CCSER1: variants seen among roughly 807,000 people sequenced by gnomAD.
CCSER1 encodes the protein coiled-coil serine rich protein 1, also known as serine-rich coiled-coil domain-containing protein 1.
CCSER1 carries 41 observed loss-of-function variants against 82.0 expected under a neutral mutation model. The observed-to-expected ratio is 0.50, with a 90% CI of 0.39 to 0.65. CCSER1 has a LOEUF of 0.65. Ranked by LOEUF, CCSER1 falls within the 30% of genes least tolerant of loss-of-function variation. The pLI is 0.00. For synonymous variants in CCSER1, 414 were observed against 383.9 expected (o/e 1.08, Z -0.92); for missense variants, 1,119 against 1,064.2 (o/e 1.05, Z -0.72).
Position 91,039,180 on chromosome 4 carries a change from C to A in CCSER1, c.2173-46770C>A, listed in dbSNP as rs114914716. On this transcript the variant is annotated intron_variant, in intron 9 of 10. Transcript: ENST00000509176. Reference sequence around the variant, plus strand: ...GTATCTGGGACTAAGGCATGTGCCACCATGTCCAACTTTTTCTTTCTTTCT... The same window carrying A: ...GTATCTGGGACTAAGGCATGTGCCAACATGTCCAACTTTTTCTTTCTTTCT... 8.4e-3 allele frequency among the ~76,000 whole-genome samples: 1,279 copies of A among 151,478 alleles called. 19 individuals are homozygous for A. Among genetic ancestry groups the A allele is most frequent in the African/African-American group, 0.03 (1,231 of 41,324 alleles).
At chr4:91,596,705 G>A (rs1373838963) in intron 10 of CCSER1, among the ~76,000 whole-genome samples, 5 of 152,054 alleles carry the variant, frequency 3.3e-5, no homozygotes, top group Non-Finnish European at 5.9e-5. Context: ...TCTCTTGTGA[G>A]TCTTACAATG....
intron 10 of CCSER1, among the ~76,000 whole-genome samples, chr4:91,586,973 T>C (rs1428400068): frequency 1.3e-5 from 2 of 151,740 alleles, no homozygotes; most frequent in African/African-American, 4.8e-5. Context: ...AAATAATAAA[T>C]AGTGAAGAAA....
intron 10 of CCSER1, among the ~76,000 whole-genome samples, chr4:91,347,002 GT>G (rs111943298): frequency 0.066 from 9,953 of 150,992 alleles, 1,063 homozygotes; most frequent in African/African-American, 0.23. Context: ...CAACTTATGA[GT>G]TTTTTTTTGT....
chr4:91,283,842 C>T lies in CCSER1; in HGVS notation c.2217+197848C>T, dbSNP rs79780647. On this transcript the variant is annotated intron_variant, in intron 10 of 10. Transcript: ENST00000509176. ...TTATGGAAGTGCTCCTGTACCTTCT[C>T]GCAGGCAATTATGTGAGTCTCTTAA... is the stretch of plus-strand genomic sequence containing the variant. Among the ~76,000 whole-genome samples, 849 of 152,096 alleles carry T rather than the reference C, an allele frequency of 5.6e-3. 10 individuals carry two copies. The highest frequency in any genetic ancestry group is 0.02 in the African/African-American group (815 of 41,522).
At chr4:91,143,514 T>C (rs1390181817) in intron 10 of CCSER1, among the ~76,000 whole-genome samples, 3 of 152,104 alleles carry the variant, frequency 2.0e-5, no homozygotes, top group African/African-American at 7.2e-5. Context: ...TCCAGTACTA[T>C]GTTGAATAGG....
chr4:90,665,374 T>A (rs951538956), intron 6 of CCSER1, among the ~76,000 whole-genome samples: 3 of 150,854 alleles, frequency 2.0e-5, no homozygotes, highest in Non-Finnish European at 4.4e-5. Flanking sequence ...CAGGCTGGAG[T>A]GCAGTGGCGT....
chr4:90,661,281 C>A (rs1730723420), intron 6 of CCSER1, among the ~76,000 whole-genome samples: 1 of 152,114 alleles, frequency 6.6e-6, no homozygotes, highest in South Asian at 2.1e-4. Flanking sequence ...AGTTGGCAGT[C>A]ATGAAGGTAG....
At chr4:91,165,340 G>T (rs911214199) in intron 10 of CCSER1, among the ~76,000 whole-genome samples, 1 of 152,160 alleles carries the variant, frequency 6.6e-6, no homozygotes, top group African/African-American at 2.4e-5. Context: ...TCCCAGAGGG[G>T]TGCCTGCCTG....
intron 10 of CCSER1, among the ~76,000 whole-genome samples, chr4:91,283,962 A>C (rs1259278344): frequency 6.6e-6 from 1 of 151,948 alleles, no homozygotes; most frequent in South Asian, 2.1e-4. Context: ...TGCAATCCCC[A>C]GTGTTGTATA....
At chr4:91,531,975 T>G (rs886398598) in intron 10 of CCSER1, among the ~76,000 whole-genome samples, 1 of 152,160 alleles carries the variant, frequency 6.6e-6, no homozygotes, top group Non-Finnish European at 1.5e-5. Context: ...GGTCTCCCAA[T>G]GTACTGGAAT....
intron 10 of CCSER1, among the ~76,000 whole-genome samples, chr4:91,291,413 G>A (rs1743733250): frequency 1.3e-5 from 2 of 151,946 alleles, no homozygotes; most frequent in South Asian, 4.1e-4. Context: ...ACCCGAGACT[G>A]GGGAATTTAT....
intron 6 of CCSER1, among the ~76,000 whole-genome samples, chr4:90,688,331 G>A (rs991678601): frequency 1.3e-5 from 2 of 152,032 alleles, no homozygotes; most frequent in African/African-American, 4.8e-5. Context: ...GTGTGTGCAT[G>A]CATGTATGCA....
intron 10 of CCSER1, among the ~76,000 whole-genome samples, chr4:91,165,645 C>A (rs570413423): frequency 6.6e-6 from 1 of 152,218 alleles, no homozygotes; most frequent in South Asian, 2.1e-4. Flanking sequence ...TGGCAGACGC[C>A]CCTCCCCCTG....
intron 3 of CCSER1, among the ~76,000 whole-genome samples, chr4:90,381,831 CTT>C (rs1561134090): frequency 1.3e-5 from 2 of 151,894 alleles, no homozygotes; most frequent in Non-Finnish European, 2.9e-5. Flanking sequence ...TTTCTCCAAA[CTT>C]ATTATTTTTA....
chr4:91,002,913 G>T (rs1188469192), intron 9 of CCSER1, among the ~76,000 whole-genome samples: 1 of 152,178 alleles, frequency 6.6e-6, no homozygotes, highest in African/African-American at 2.4e-5. Context: ...GAAGGCTGCT[G>T]TTCAGATTCT....
At chr4:90,154,212 G>A (rs1215022460) in intron 1 of CCSER1, among the ~76,000 whole-genome samples, 2 of 152,136 alleles carry the variant, frequency 1.3e-5, no homozygotes, top group African/African-American at 2.4e-5. Flanking sequence ...GATTTCTGAG[G>A]GCTCTGTTCT....
At chr4:91,573,990 C>T (rs1763314886) in intron 10 of CCSER1, among the ~76,000 whole-genome samples, 1 of 152,086 alleles carries the variant, frequency 6.6e-6, no homozygotes, top group African/African-American at 2.4e-5. Context: ...AACCATAAAA[C>T]ATTGATGAGA....
intron 10 of CCSER1, among the ~76,000 whole-genome samples, chr4:91,299,450 C>T (rs1299949771): frequency 6.6e-6 from 1 of 151,914 alleles, no homozygotes; most frequent in Non-Finnish European, 1.5e-5. Flanking sequence ...ATGTCAAGGA[C>T]TTATCTGTGC....
At chr4:90,582,449 A>G (rs765747074) in intron 5 of CCSER1, among the ~76,000 whole-genome samples, 5 of 152,244 alleles carry the variant, frequency 3.3e-5, no homozygotes, top group Non-Finnish European at 7.3e-5. Context: ...GTGTTAAAAC[A>G]TGGGTGACAT....
Sources: gnomAD v4.1 joint callset for allele counts (sites outside exome capture counted in the v4.1 genomes callset) on GRCh38, gnomAD v4.1.1 for gene constraint, MANE v1.5 for transcripts, NCBI Gene and HGNC (gene_info 2026-07-23, HGNC 2026-07-21) for gene names.